CYP11B1: variants seen among roughly 807,000 people sequenced by gnomAD.
CYP11B1 encodes the protein cytochrome P450 family 11 subfamily B member 1.
In CYP11B1, 34 loss-of-function variants were observed where a neutral mutation model predicts 48.3. That is an observed-to-expected ratio of 0.70 (90% confidence interval 0.54 to 0.94). The LOEUF (loss-of-function observed/expected upper bound fraction) is 0.94. Among genes scored for constraint, CYP11B1 ranks in the 40% least tolerant of loss-of-function variants. CYP11B1 has a pLI of 0.00. For synonymous variants in CYP11B1, 291 were observed against 262.5 expected (o/e 1.11, Z -1.05); for missense variants, 688 against 657.4 (o/e 1.05, Z -0.51).
At chr8:142,877,720 G>C in intron 2 of CYP11B1, 1 of 1,582,772 alleles carries the variant, frequency 6.3e-7, no homozygotes, top group Non-Finnish European at 8.6e-7. Flanking sequence ...TCTTCTGCAG[G>C]ACAGAAACCA....
chr8:142,877,031 G>T lies in CYP11B1; in HGVS notation c.587C>A (p.Thr196Asn). 6.2e-7 allele frequency: 1 copy of T among 1,613,542 alleles called. No homozygotes were observed. Among genetic ancestry groups the T allele is most frequent in the Non-Finnish European group, 8.5e-7 (1 of 1,179,790 alleles). ...LDVQPSIFHY[T>N]IEASNLALFG... ...TCCCACGTGGCCCACACCTTCTATGGTGTAGTGGAAGATGCTGGGCTGGAC... is the reference window on the plus strand; with the variant it reads ...TCCCACGTGGCCCACACCTTCTATGTTGTAGTGGAAGATGCTGGGCTGGAC... The change falls in exon 3 of 9, where the codon ACC (threonine) becomes AAC (asparagine). Residue 196 changes from threonine to asparagine, a missense_variant. Transcript: ENST00000292427.
chr8:142,875,189 C>G (rs1417143830), intron 7 of CYP11B1, 35 bp from the exon 8 acceptor site: 2 of 1,614,196 alleles, frequency 1.2e-6, no homozygotes, highest in Admixed American at 1.7e-5. Context: ...CAGGGAATGA[C>G]TGGGGAGGGA....
chr8:142,879,726 G>T lies in CYP11B1; in HGVS notation c.88C>A (p.Arg30=). ...RAQALGTRAA[R]VPRTVLPFEA... is the part of the protein sequence containing the mutation. ...AAGGGCAGCACTGTCCTGGGGACCC[G>T]GGCGGCTCTCGTGCCCAGTGCCTGT... Residue 30 remains arginine (R), a synonymous_variant, in exon 1 of 9, where the codon CGG becomes AGG. Transcript: ENST00000292427. The T allele has an allele frequency of 6.2e-7, 1 of 1,614,246 alleles. No individual in the cohort carries two copies. Among genetic ancestry groups the T allele is most frequent in the South Asian group, 1.1e-5 (1 of 91,090 alleles).
chr8:142,877,650 C>T (rs1392804638), intron 2 of CYP11B1: 52 of 1,185,614 alleles, frequency 4.4e-5, no homozygotes, highest in Middle Eastern at 2.5e-4. Flanking sequence ...CTCTCCTCCC[C>T]GCCCTTCCCT....
chr8:142,875,484 C>A lies in CYP11B1; in HGVS notation c.1122-172G>T, dbSNP rs4999335. On this transcript the variant is annotated intron_variant, in intron 6 of 8. Coordinates refer to ENST00000292427, the MANE Select transcript of CYP11B1 (RefSeq NM_000497.4). The stretch of plus-strand genomic sequence containing the variant: ...CCGGCCAAACCTCCCCTAACTTAAG[C>A]AGCCCCGAGCGCAGAAGGACATGCT... The A allele has an allele frequency of 1.1e-4, 114 of 1,073,050 alleles. No homozygotes were observed. The African/African-American group carries it at 1.4e-3, about 14-fold the overall frequency. The allele number at this position is 1,073,050 out of a possible 1,614,324, so 66.5% of individuals were successfully genotyped here.
At chr8:142,876,419 C>T (rs1782779091) in intron 4 of CYP11B1, 24 bp from the exon 5 acceptor site, 3 of 1,608,190 alleles carry the variant, frequency 1.9e-6, no homozygotes, top group Non-Finnish European at 2.5e-6. Flanking sequence ...GGGAGGCAGC[C>T]CTCAGACTTT....
chr8:142,879,476 G>A (rs759185618), intron 1 of CYP11B1, 99 bp downstream of exon 1: 27 of 1,613,816 alleles, frequency 1.7e-5, no homozygotes, highest in South Asian at 8.8e-5. Context: ...GCAGAGTGCC[G>A]GGACCTGCTG....
Position 142,876,738 on chromosome 8 carries a change from G to A in CYP11B1, c.743C>T (p.Thr248Ile), listed in dbSNP as rs34620645. Residue 248 changes from threonine (T) to isoleucine (I), a missense_variant, in exon 4 of 9, where the codon ACC (threonine) becomes ATC (isoleucine). Physicochemically the swap from Thr to Ile is moderately conservative, Grantham distance 89. Transcript: ENST00000292427. Reference protein sequence around the residue: ...MFMPRSLSRWTSPKVWKEHFE... With the variant: ...MFMPRSLSRWISPKVWKEHFE... ...GTGCTCCTTCCACACCTTGGGGCTG[G>A]TCCAGCGAGACAGGCTCCTGGGCAT... The A allele has an allele frequency of 1.3e-3, 2,017 of 1,601,814 alleles. 33 individuals are homozygous for A. In the African/African-American group the frequency reaches 0.027, roughly 21 times the overall value.
At position 142,874,086 on chromosome 8, in the gene CYP11B1, T is replaced by G; in HGVS notation, c.*287A>C. 2.0e-6 allele frequency: 1 copy of G among 497,878 alleles called. No homozygotes were observed. The highest frequency in any genetic ancestry group is 2.1e-5 in the South Asian group (1 of 48,288). The allele number at this position is 497,878 out of a possible 1,614,324, so 30.8% of individuals were successfully genotyped here. A position where few individuals can be genotyped will look rare whatever the true frequency, so the allele number is the denominator to read the frequency against. On this transcript the variant is annotated 3_prime_UTR_variant, in exon 9 of 9. Transcript: ENST00000292427. Reference sequence around the variant, plus strand: ...CACACGAGGAGCCTGGAGCCAGCACTGGGAGGGATGGGGGCAAACTGCCCA... The same window carrying G: ...CACACGAGGAGCCTGGAGCCAGCACGGGGAGGGATGGGGGCAAACTGCCCA...
At position 142,879,191 on chromosome 8, in the gene CYP11B1, TG is replaced by T. The variant is rs757643345; in HGVS notation, c.240-5del. On this transcript the variant is annotated splice_region_variant and splice_polypyrimidine_tract_variant and intron_variant, in intron 1 of 8. Transcript: ENST00000292427. ...GCCTGCTCCTCCCAAGTCGTACCTG[TG>T]GGGCCAAGCACGAGGCCGTGCTGGA... 1.9e-6 allele frequency: 3 copies of T among 1,614,002 alleles called. No homozygotes were observed. Among genetic ancestry groups the T allele is most frequent in the Non-Finnish European group, 1.7e-6 (2 of 1,179,992 alleles).
intron 2 of CYP11B1, 22 bp downstream of exon 2, chr8:142,879,010 C>G: frequency 6.2e-7 from 1 of 1,613,828 alleles, no homozygotes; most frequent in Non-Finnish European, 8.5e-7. Context: ...ACCCTGCTCC[C>G]AGCTCTCAGC....
At chr8:142,876,620 G>T in intron 4 of CYP11B1, 62 bp downstream of exon 4, 1 of 1,569,744 alleles carries the variant, frequency 6.4e-7, no homozygotes, top group South Asian at 1.2e-5. Flanking sequence ...GTGGTGGAGA[G>T]GGAGAAATTG....
At position 142,878,652 on chromosome 8, in the gene CYP11B1, T is replaced by C. The variant is rs912488292; in HGVS notation, c.395+380A>G. Among the ~76,000 whole-genome samples, 25 of 152,282 alleles carry C rather than the reference T, an allele frequency of 1.6e-4. No homozygotes were observed. In the South Asian group the frequency reaches 2.1e-3, roughly 13 times the overall value. On this transcript the variant is annotated intron_variant, in intron 2 of 8. Coordinates refer to ENST00000292427, the MANE Select transcript of CYP11B1 (RefSeq NM_000497.4). Reference sequence around the variant, plus strand: ...CGGCCCCGGCGAACACCAGGCTCAGTACTCAGCCTGTGACCTGGGCCAGTG... The same window carrying C: ...CGGCCCCGGCGAACACCAGGCTCAGCACTCAGCCTGTGACCTGGGCCAGTG...
rs1425226441 is a variant in CYP11B1 at position 142,877,046 on chromosome 8, C to T, written c.572G>A (p.Ser191Asn). Residue 191 changes from serine to asparagine, a missense_variant, in exon 3 of 9, where the codon AGC (serine) becomes AAC (asparagine). Transcript: ENST00000292427. ...ACCTTCTATGGTGTAGTGGAAGATGCTGGGCTGGACGTCCAGGGTCAGGCT... is the reference window on the plus strand; with the variant it reads ...ACCTTCTATGGTGTAGTGGAAGATGTTGGGCTGGACGTCCAGGGTCAGGCT... ...RGSLTLDVQP[S>N]IFHYTIEASN... is the part of the protein sequence containing the mutation. 3.1e-6 allele frequency: 5 copies of T among 1,613,444 alleles called. No individual in the cohort carries two copies. The African/African-American group carries it at 4.0e-5, about 13-fold the overall frequency.
Position 142,875,089 on chromosome 8 carries a change from G to A in CYP11B1, c.1266C>T (p.Arg422=), listed in dbSNP as rs4998902. The A allele has an allele frequency of 2.7e-4, 434 of 1,614,238 alleles. 3 individuals carry two copies. In the African/African-American group the frequency reaches 5.4e-3, roughly 20 times the overall value. ...TGTCTAGCCAGCGCTGGGGGTTATA[G>A]CGCTCAGGCCTCGGGAACAAGGCGG... ...RNPALFPRPE[R]YNPQRWLDIR... Residue 422 remains arginine (R), a synonymous_variant, in exon 8 of 9, where the codon CGC becomes CGT. Coordinates refer to ENST00000292427, the MANE Select transcript of CYP11B1 (RefSeq NM_000497.4).
At chr8:142,879,007 T>C (rs1415034863) in intron 2 of CYP11B1, 25 bp downstream of exon 2, 4 of 1,613,500 alleles carry the variant, frequency 2.5e-6, no homozygotes, top group South Asian at 1.1e-5. Context: ...CCCACCCTGC[T>C]CCCAGCTCTC....
chr8:142,876,157 G>A, intron 5 of CYP11B1, 84 bp downstream of exon 5: 1 of 1,569,998 alleles, frequency 6.4e-7, no homozygotes, highest in East Asian at 2.2e-5. Flanking sequence ...TGGGACACGT[G>A]GGCGCCGTGT....
rs1816901292 is a variant in CYP11B1, at chr8:142,875,298, C to A, written c.1136G>T (p.Gly379Val). ...LKETLRLYPV[G>V]LFLERVASSD... ...GCTCGCCACTCGCTCCAGAAACAGACCCACAGGGTAGAGCCTGGAGGTGGG... is the reference window on the plus strand; with the variant it reads ...GCTCGCCACTCGCTCCAGAAACAGAACCACAGGGTAGAGCCTGGAGGTGGG... The change falls in exon 7 of 9, where the codon GGT (glycine) becomes GTT (valine). Residue 379 changes from glycine to valine, a missense_variant. Transcript: ENST00000292427. 1 of 1,613,274 alleles carries A rather than the reference C, an allele frequency of 6.2e-7. No homozygotes were observed. Among genetic ancestry groups the A allele is most frequent in the Non-Finnish European group, 8.5e-7 (1 of 1,179,974 alleles).
At position 142,876,859 on chromosome 8, in the gene CYP11B1, G is replaced by C; in HGVS notation, c.622C>G (p.Arg208Gly). The C allele has an allele frequency of 6.2e-7, 1 of 1,614,126 alleles. No homozygotes were observed. Among genetic ancestry groups the C allele is most frequent in the Non-Finnish European group, 8.5e-7 (1 of 1,180,016 alleles). Reference protein sequence around the residue: ...EASNLALFGERLGLVGHSPSS... With the variant: ...EASNLALFGEGLGLVGHSPSS... ...GGGCTGTGGCCAACCAGGCCCAGCC[G>C]CTCTCCAAAAAGAGCCAAGTTGCTG... The change falls in exon 4 of 9, where the codon CGG (arginine) becomes GGG (glycine). Residue 208 changes from arginine to glycine, a missense_variant. Physicochemically the swap from Arg to Gly is moderately radical, Grantham distance 125. Transcript: ENST00000292427.
Sources: allele counts gnomAD v4.1 joint callset (sites outside exome capture counted in the v4.1 genomes callset), GRCh38; gene constraint gnomAD v4.1.1; transcripts MANE v1.5; gene names NCBI Gene and HGNC (gene_info 2026-07-23, HGNC 2026-07-21).